PRKG1: variants seen among roughly 807,000 people sequenced by gnomAD.
PRKG1 encodes the protein cGMP-dependent protein kinase 1.
In PRKG1, 35 loss-of-function variants were observed where a neutral mutation model predicts 88.1. That is an observed-to-expected ratio of 0.40 (90% CI 0.30 to 0.53). The LOEUF is 0.53. Ranked by LOEUF, PRKG1 falls within the 20% of genes least tolerant of loss-of-function variation. The pLI is 0.59. For synonymous variants in PRKG1, 303 were observed against 292.5 expected, an observed-to-expected ratio of 1.04 and a Z score of -0.37; for missense variants, 540 against 839.8, an observed-to-expected ratio of 0.64 and a Z score of 4.41.
At chr10:52,158,655 G>A (rs1838190435) in intron 8 of PRKG1, among the ~76,000 whole-genome samples, 1 of 151,598 alleles carries the variant, frequency 6.6e-6, no homozygotes, top group Non-Finnish European at 1.5e-5. Flanking sequence ...ATGTATAATG[G>A]TTGACTTATT....
chr10:52,140,490 A>G (rs1307787699), intron 8 of PRKG1, among the ~76,000 whole-genome samples: 1 of 152,038 alleles, frequency 6.6e-6, no homozygotes, highest in Admixed American at 6.6e-5. Context: ...CTCCCCATGC[A>G]CACACCTCTT....
intron 3 of PRKG1, among the ~76,000 whole-genome samples, chr10:51,731,196 A>G (rs574162668): frequency 1.3e-5 from 2 of 152,296 alleles, no homozygotes; most frequent in East Asian, 3.9e-4. Context: ...ACTTCTGATA[A>G]GGTCTTATAT....
chr10:51,414,322 T>C (rs1340507052), intron 2 of PRKG1, among the ~76,000 whole-genome samples: 1 of 152,036 alleles, frequency 6.6e-6, no homozygotes, highest in Non-Finnish European at 1.5e-5. Flanking sequence ...GAAGGAGGAG[T>C]TCTGAAGAGA....
intron 3 of PRKG1, among the ~76,000 whole-genome samples, chr10:51,536,103 G>A (rs1261060235): frequency 6.6e-6 from 1 of 152,166 alleles, no homozygotes; most frequent in Non-Finnish European, 1.5e-5. Context: ...GTCATAGGGG[G>A]TATGATACTA....
chr10:52,182,261 G>A (rs1839053967), intron 9 of PRKG1, among the ~76,000 whole-genome samples: 2 of 43,532 alleles, frequency 4.6e-5, no homozygotes, highest in African/African-American at 2.6e-4. Context: ...CATGTCCTTC[G>A]CCCACTTTTT....
chr10:51,452,582 A>T (rs1260827527), intron 2 of PRKG1, among the ~76,000 whole-genome samples: 3 of 151,870 alleles, frequency 2.0e-5, no homozygotes, highest in African/African-American at 7.2e-5. Flanking sequence ...TGCTTATGTG[A>T]TATAATACAT....
chr10:51,098,530 G>A (rs574218611), intron 1 of PRKG1, among the ~76,000 whole-genome samples: 10 of 152,090 alleles, frequency 6.6e-5, no homozygotes, highest in South Asian at 2.1e-4. Context: ...TGAATATGGC[G>A]GAAGGATGAA....
intron 3 of PRKG1, among the ~76,000 whole-genome samples, chr10:51,558,380 C>A (rs1837367415): frequency 6.6e-6 from 1 of 151,928 alleles, no homozygotes; most frequent in African/African-American, 2.4e-5. Flanking sequence ...AAATAGAAAA[C>A]CTTTGTGATC....
At chr10:51,293,334 A>G (rs1235350713) in intron 2 of PRKG1, among the ~76,000 whole-genome samples, 1 of 152,172 alleles carries the variant, frequency 6.6e-6, no homozygotes, top group Non-Finnish European at 1.5e-5. Flanking sequence ...TGCATCTTGC[A>G]TAACTAAAAT....
intron 8 of PRKG1, among the ~76,000 whole-genome samples, chr10:52,139,830 A>G (rs558521962): frequency 6.6e-6 from 1 of 152,176 alleles, no homozygotes; most frequent in Non-Finnish European, 1.5e-5. Context: ...TGACTCTATT[A>G]TAGAACTACA....
chr10:52,269,914 G>C (rs1329335906), intron 10 of PRKG1, among the ~76,000 whole-genome samples: 1 of 152,052 alleles, frequency 6.6e-6, no homozygotes, highest in Admixed American at 6.6e-5. Context: ...GAGCCATGAG[G>C]GCTGCAAGAG....
At chr10:51,649,351 A>G (rs557255152) in intron 3 of PRKG1, among the ~76,000 whole-genome samples, 1 of 152,302 alleles carries the variant, frequency 6.6e-6, no homozygotes, top group East Asian at 1.9e-4. Context: ...CCTTCTTTGT[A>G]CAACCAGTCT....
intron 3 of PRKG1, among the ~76,000 whole-genome samples, chr10:51,570,243 A>C (rs151000811): frequency 6.6e-6 from 1 of 151,706 alleles, no homozygotes; most frequent in Non-Finnish European, 1.5e-5. Flanking sequence ...AATTACACTC[A>C]AATTGAACTA....
At chr10:51,536,698 G>A (rs1034066424) in intron 3 of PRKG1, among the ~76,000 whole-genome samples, 1 of 151,634 alleles carries the variant, frequency 6.6e-6, no homozygotes, top group African/African-American at 2.4e-5. Context: ...TGTGCACAAT[G>A]TGCAGGTTAG....
chr10:51,712,975 G>GGTT (rs1231549853), intron 3 of PRKG1, among the ~76,000 whole-genome samples: 2 of 149,480 alleles, frequency 1.3e-5, no homozygotes, highest in African/African-American at 4.9e-5. Context: ...CTCTATGAGG[G>GGTT]TTTTTTTTTT....
At chr10:52,239,008 C>G (rs943116556) in intron 9 of PRKG1, among the ~76,000 whole-genome samples, 2 of 113,580 alleles carry the variant, frequency 1.8e-5, no homozygotes, top group African/African-American at 6.8e-5. Context: ...ATGATGAGTT[C>G]ATGTCCTTTG....
At chr10:51,682,781 C>T (rs1417769834) in intron 3 of PRKG1, among the ~76,000 whole-genome samples, 2 of 152,148 alleles carry the variant, frequency 1.3e-5, no homozygotes, top group African/African-American at 4.8e-5. Flanking sequence ...TGAACACAGG[C>T]AGAGATTGAG....
At chr10:51,185,417 T>A (rs1331174208) in intron 2 of PRKG1, among the ~76,000 whole-genome samples, 1 of 152,106 alleles carries the variant, frequency 6.6e-6, no homozygotes, top group African/African-American at 2.4e-5. Flanking sequence ...CATTACTGTA[T>A]TCAAATCCAT....
chr10:51,793,099 T>A (rs1589291468), intron 3 of PRKG1, among the ~76,000 whole-genome samples: 2 of 65,488 alleles, frequency 3.1e-5, no homozygotes, highest in Non-Finnish European at 3.0e-5. Context: ...GCCCAACAAA[T>A]AATTCAAAAT....
Sources: gnomAD v4.1 joint callset for allele counts (sites outside exome capture counted in the v4.1 genomes callset) on GRCh38, gnomAD v4.1.1 for gene constraint, MANE v1.5 for transcripts, NCBI Gene and HGNC (gene_info 2026-07-23, HGNC 2026-07-21) for gene names.